The following NCOR2 variants were observed in gnomAD, a reference collection of about 807,000 sequenced individuals.
NCOR2 encodes CTG repeat protein 26.
In NCOR2, 81 loss-of-function variants were observed where a neutral mutation model predicts 262.9. That is an observed-to-expected ratio of 0.31 (90% CI 0.26 to 0.37). The LOEUF is 0.37. Among genes scored for constraint, NCOR2 ranks in the 10% least tolerant of loss-of-function variants. NCOR2 has a pLI of 1.00. For synonymous variants in NCOR2, 1,659 were observed against 1,559.3 expected, an observed-to-expected ratio of 1.06 and a Z score of -1.51; for missense variants, 3,385 against 3,621.4, an observed-to-expected ratio of 0.93 and a Z score of 1.68.
At chr12:124,363,998 G>A (rs1486897688) in intron 20 of NCOR2, among the ~76,000 whole-genome samples, 199 bp from the exon 23 acceptor site, 1 of 152,200 alleles carries the variant, frequency 6.6e-6, no homozygotes, top group African/African-American at 2.4e-5. Context: ...TTTGGGGCCA[G>A]GGGAGGGGAG....
In NCOR2 at chr12:124,466,156, A is replaced by G; in HGVS notation, c.705+17T>C. Reference sequence around the variant, plus strand: ...GGCCAGCACCGGGGGGCAGCAGGCCAGGGCGGGGACACATACCCGGTTCTC... The same window carrying G: ...GGCCAGCACCGGGGGGCAGCAGGCCGGGGCGGGGACACATACCCGGTTCTC... On this transcript the variant is annotated intron_variant, in intron 5 of 46. Transcript: ENST00000405201. The G allele has an allele frequency of 6.3e-7, 1 of 1,596,712 alleles. No individual in the cohort carries two copies. The highest frequency in any genetic ancestry group is 8.5e-7 in the Non-Finnish European group (1 of 1,170,928).
intron 20 of NCOR2, among the ~76,000 whole-genome samples, chr12:124,368,284 A>G (rs1201183642): frequency 1.3e-5 from 2 of 152,082 alleles, no homozygotes. Flanking sequence ...GGGGCAGGGC[A>G]CGAGAGGGGG....
intron 5 of NCOR2, among the ~76,000 whole-genome samples, chr12:124,463,104 C>T (rs1454923389): frequency 1.3e-5 from 2 of 152,218 alleles, no homozygotes; most frequent in African/African-American, 2.4e-5. Context: ...TGAATTCCTA[C>T]GGTACCAGCA....
chr12:124,479,252 G>A (rs193275596), intron 3 of NCOR2, among the ~76,000 whole-genome samples: 8 of 151,310 alleles, frequency 5.3e-5, no homozygotes, highest in South Asian at 2.1e-4. Context: ...GCACACACAC[G>A]CACACACAAA....
Position 124,549,293 on chromosome 12 carries a change from G to T in NCOR2, c.-164-13682C>A, listed in dbSNP as rs11057667. On this transcript the variant is annotated intron_variant, in intron 1 of 32. Coordinates refer to the NCOR2 transcript ENST00000458234. The surrounding 1 kb of genome is among the most constrained non-coding windows in gnomAD (Gnocchi z 4.4). ...GGCTGGCGGTGGGAGGGGCAGGGCC[G>T]CGGCTGGAGGATAAAATCCCACACT... 4.6e-5 allele frequency among the ~76,000 whole-genome samples: 7 copies of T among 151,538 alleles called. No individual in the cohort carries two copies. Among genetic ancestry groups the T allele is most frequent in the African/African-American group, 1.7e-4 (7 of 41,370 alleles).
At chr12:124,441,500 G>C (rs552842957) in intron 7 of NCOR2, among the ~76,000 whole-genome samples, 2 of 152,316 alleles carry the variant, frequency 1.3e-5, no homozygotes, top group African/African-American at 4.8e-5. Context: ...TCCAAGAGAG[G>C]AGGGAAACAG....
upstream of NCOR2, among the ~76,000 whole-genome samples, chr12:124,496,088 G>A (rs934860859): frequency 2.2e-4 from 33 of 152,184 alleles, no homozygotes; most frequent in African/African-American, 7.9e-4. This position sits in a 1 kb window ranked among gnomAD's most constrained non-coding sequence, Gnocchi z 4.4. Flanking sequence ...GGATCTACTC[G>A]TGGCCACGCC....
At chr12:124,475,071 G>A (rs1238019379) in intron 3 of NCOR2, among the ~76,000 whole-genome samples, 1 of 152,128 alleles carries the variant, frequency 6.6e-6, no homozygotes, top group African/African-American at 2.4e-5. Flanking sequence ...AAGACCCACA[G>A]GGGCCAAGAG....
rs564606933 is a variant in NCOR2 at position 124,517,758 on chromosome 12, C to T, written c.-118+17807G>A. On this transcript the variant is annotated intron_variant, in intron 1 of 46. Transcript: ENST00000404621. This position sits in a 1 kb window ranked among gnomAD's most constrained non-coding sequence, Gnocchi z 7.6. ...CACCCGGGTCCCCTCCCACGCGGGC[C>T]GGCCAAGAAGCCTCACCCCGGCCTG... Among the ~76,000 whole-genome samples the T allele has an allele frequency of 2.0e-5, 3 of 152,344 alleles. No homozygotes were observed. The highest frequency in any genetic ancestry group is 2.1e-4 in the South Asian group (1 of 4,828).
At chr12:124,361,069 C>T (rs562124161) in intron 22 of NCOR2, among the ~76,000 whole-genome samples, 3 of 145,500 alleles carry the variant, frequency 2.1e-5, no homozygotes, top group East Asian at 2.0e-4. Context: ...TTGCAGTGAG[C>T]GGAGATTGTG....
chr12:124,561,691 G>A (rs2052079016), intron 1 of NCOR2, among the ~76,000 whole-genome samples: 1 of 152,130 alleles, frequency 6.6e-6, no homozygotes, highest in South Asian at 2.1e-4. Flanking sequence ...CCTCCAGGAT[G>A]GCACCACGCA....
At chr12:124,385,121 A>G (rs1012131354) in intron 17 of NCOR2, among the ~76,000 whole-genome samples, 1 of 152,146 alleles carries the variant, frequency 6.6e-6, no homozygotes, top group Admixed American at 6.5e-5. Context: ...TCCCAGAAAC[A>G]GCTGTGGAAG....
At chr12:124,428,044 A>AGTGGGTGTGTGTGTGTGTGTGT (rs2043663223) in intron 10 of NCOR2, among the ~76,000 whole-genome samples, 1 of 112,398 alleles carries the variant, frequency 8.9e-6, no homozygotes. Context: ...CCATGTGGCC[A>AGTGGGTGTGTGTGTGTGTGTGT]GTGTGTGTGT....
chr12:124,450,441 C>T (rs897753449), intron 6 of NCOR2, among the ~76,000 whole-genome samples: 15 of 152,298 alleles, frequency 9.8e-5, no homozygotes, highest in Admixed American at 3.9e-4. Flanking sequence ...CCGACGCCCC[C>T]GCTTCCGACC....
At chr12:124,458,306 G>T (rs958841388) in intron 5 of NCOR2, among the ~76,000 whole-genome samples, 1 of 152,186 alleles carries the variant, frequency 6.6e-6, no homozygotes, top group African/African-American at 2.4e-5. Flanking sequence ...CCAGGCTCCC[G>T]GGCTGCAGCA....
chr12:124,368,990 C>T (rs1022493081), intron 20 of NCOR2, among the ~76,000 whole-genome samples: 3 of 152,256 alleles, frequency 2.0e-5, no homozygotes, highest in African/African-American at 7.2e-5. Context: ...CTCCAGCCCC[C>T]TCTTGGGGTG....
chr12:124,332,109 T>TA (rs759463553), intron 43 of NCOR2: 2 of 595,346 alleles, frequency 3.4e-6, no homozygotes, highest in Non-Finnish European at 5.9e-6. Context: ...TCTGTGCCAG[T>TA]AAGCTCCTAT....
intron 16 of NCOR2, among the ~76,000 whole-genome samples, chr12:124,390,547 C>T (rs563928679): frequency 6.7e-6 from 1 of 149,514 alleles, no homozygotes; most frequent in South Asian, 2.1e-4. Context: ...CTGAAATTAG[C>T]TCCCTCGTCC....
At chr12:124,395,792 G>C (rs2041617298) in intron 16 of NCOR2, among the ~76,000 whole-genome samples, 1 of 152,284 alleles carries the variant, frequency 6.6e-6, no homozygotes, top group African/African-American at 2.4e-5. Context: ...ACCGTTTGGG[G>C]ATGTCCACGC....
Sources: gnomAD v4.1 joint callset for allele counts (sites outside exome capture counted in the v4.1 genomes callset) on GRCh38, gnomAD v4.1.1 for gene constraint, Gnocchi (gnomAD v3.1) non-coding constraint, MANE v1.5 for transcripts, NCBI Gene and HGNC (gene_info 2026-07-23, HGNC 2026-07-21) for gene names.